Variants in PLEKHA7 observed in about 807,000 individuals in gnomAD.
The protein encoded by PLEKHA7 is pleckstrin homology domain containing A7, also known as pleckstrin homology domain-containing family A member 7.
In PLEKHA7, 104 loss-of-function variants were observed where a neutral mutation model predicts 170.0. The ratio of observed to expected loss-of-function variants is 0.61; its 90% CI spans 0.52 to 0.72. The LOEUF is 0.72. Among genes scored for constraint, PLEKHA7 ranks in the 30% least tolerant of loss-of-function variants. The probability of loss-of-function intolerance (pLI) is 0.00; values close to 1 mark genes in which losing one functional copy is unlikely to be tolerated. For missense variants in PLEKHA7, 1,615 were observed against 1,671.7 expected (o/e 0.97, Z 0.59); for synonymous variants, 648 against 660.8 (o/e 0.98, Z 0.30).
At chr11:16,793,283 T>C (rs1847983842) in intron 19 of PLEKHA7, among the ~76,000 whole-genome samples, 1 of 152,240 alleles carries the variant, frequency 6.6e-6, no homozygotes, top group Non-Finnish European at 1.5e-5. Context: ...GCCCCAGACA[T>C]TCCTGCTGTT....
intron 3 of PLEKHA7, among the ~76,000 whole-genome samples, chr11:17,006,022 A>G (rs942618370): frequency 3.9e-5 from 6 of 152,206 alleles, no homozygotes; most frequent in African/African-American, 7.2e-5. Context: ...TATTACCCCC[A>G]GGTTTGAAAT....
chr11:16,999,809 A>G (rs2137029500), intron 3 of PLEKHA7, among the ~76,000 whole-genome samples: 1 of 152,352 alleles, frequency 6.6e-6, no homozygotes, highest in East Asian at 1.9e-4. Flanking sequence ...GCTGAAGCTC[A>G]GAGATGCTTC....
chr11:16,992,040 G>A (rs1335139174), intron 3 of PLEKHA7, among the ~76,000 whole-genome samples: 1 of 151,668 alleles, frequency 6.6e-6, no homozygotes, highest in Non-Finnish European at 1.5e-5. Flanking sequence ...GCTGGTACTG[G>A]GTAGGCCAAA....
Position 16,795,656 on chromosome 11 carries a change from G to A in PLEKHA7, c.2410-638C>T, listed in dbSNP as rs991624398. 5.3e-5 allele frequency among the ~76,000 whole-genome samples: 8 copies of A among 151,696 alleles called. No individual in the cohort carries two copies. In the South Asian group the frequency reaches 1.7e-3, roughly 32 times the overall value. On this transcript the variant is annotated intron_variant, in intron 17 of 26. Coordinates refer to ENST00000531066, the MANE Select transcript of PLEKHA7 (RefSeq NM_001329630.2). ...ATACAAAAATTAGCCAGGCATGGTGGTGTGCGCCTGTAATCCCAGCTACTT... is the reference window on the plus strand; with the variant it reads ...ATACAAAAATTAGCCAGGCATGGTGATGTGCGCCTGTAATCCCAGCTACTT...
At chr11:16,878,846 C>G (rs891057445) in intron 3 of PLEKHA7, among the ~76,000 whole-genome samples, 5 of 152,198 alleles carry the variant, frequency 3.3e-5, no homozygotes, top group African/African-American at 7.2e-5. Flanking sequence ...CATCAGCCAT[C>G]AGAAGGCAGT....
intron 19 of PLEKHA7, among the ~76,000 whole-genome samples, chr11:16,793,348 G>A (rs551169785): frequency 1.3e-5 from 2 of 152,356 alleles, no homozygotes; most frequent in Non-Finnish European, 2.9e-5. Flanking sequence ...TCCACCTCTT[G>A]GATCTGGGAT....
chr11:16,985,372 T>C (rs78815774), intron 3 of PLEKHA7, among the ~76,000 whole-genome samples: 4,778 of 152,302 alleles, frequency 0.031, 110 homozygotes, highest in South Asian at 0.068. Flanking sequence ...ATATCAAGTA[T>C]AGAAATTCCA....
intron 3 of PLEKHA7, among the ~76,000 whole-genome samples, chr11:16,936,647 T>C (rs891680332): frequency 2.0e-5 from 3 of 152,188 alleles, no homozygotes; most frequent in Non-Finnish European, 4.4e-5. Flanking sequence ...AAAATAATAT[T>C]CAACTTTAAT....
chr11:16,879,294 AAAG>A (rs1189619033), intron 3 of PLEKHA7, among the ~76,000 whole-genome samples: 17 of 152,170 alleles, frequency 1.1e-4, no homozygotes, highest in Non-Finnish European at 1.9e-4. Flanking sequence ...CTCCTACAGC[AAAG>A]AAGAATATTC....
At chr11:16,968,488 C>A (rs986035470) in intron 3 of PLEKHA7, among the ~76,000 whole-genome samples, 3 of 152,216 alleles carry the variant, frequency 2.0e-5, no homozygotes, top group Non-Finnish European at 4.4e-5. Flanking sequence ...CAGGGGTCCT[C>A]TGGATGCTGT....
Position 16,922,592 on chromosome 11 carries a change from T to A in PLEKHA7, c.222-51410A>T, listed in dbSNP as rs1353741998. Among the ~76,000 whole-genome samples, 4 of 152,314 alleles carry A rather than the reference T, an allele frequency of 2.6e-5. No individual in the cohort carries two copies. In the East Asian group the frequency reaches 7.7e-4, roughly 29 times the overall value. ...GTACAAACCCTAGGTTGGAACTTTG[T>A]GCTTTTGCAAACCAAGACTGCAAGT... On this transcript the variant is annotated intron_variant, in intron 3 of 26. Coordinates refer to ENST00000531066, the MANE Select transcript of PLEKHA7 (RefSeq NM_001329630.2).
At chr11:16,850,437 A>AC (rs376203540) in intron 8 of PLEKHA7, among the ~76,000 whole-genome samples, 39 of 152,018 alleles carry the variant, frequency 2.6e-4, no homozygotes, top group African/African-American at 8.4e-4. Context: ...TCTTCAATCC[A>AC]CCCCATCCTT....
In PLEKHA7 at chr11:16,791,017, A is replaced by G; in HGVS notation, c.2928T>C (p.Asp976=). 1.2e-6 allele frequency: 2 copies of G among 1,614,022 alleles called. No individual in the cohort carries two copies. Among genetic ancestry groups the G allele is most frequent in the Non-Finnish European group, 1.7e-6 (2 of 1,180,014 alleles). ...CCCAGGGTCCCCCGCTCACCCTGGA[A>G]TCCCCATTCACACACTGCCCCAGCT... ...DRELGQCVNG[D]SRVELRSYVS... The change falls in exon 20 of 27, where the codon GAT becomes GAC. Residue 976 remains aspartate, a synonymous_variant. Coordinates refer to ENST00000531066, the MANE Select transcript of PLEKHA7 (RefSeq NM_001329630.2). The surrounding 1 kb of genome is among the most constrained non-coding windows in gnomAD (Gnocchi z 4.5).
chr11:16,886,596 A>G (rs911477970), intron 3 of PLEKHA7, among the ~76,000 whole-genome samples: 2 of 151,754 alleles, frequency 1.3e-5, no homozygotes, highest in Non-Finnish European at 2.9e-5. Context: ...CTGTAATCTC[A>G]TCTACTCAGG....
chr11:16,820,090 A>T (rs1850090659), intron 10 of PLEKHA7, among the ~76,000 whole-genome samples: 1 of 152,240 alleles, frequency 6.6e-6, no homozygotes, highest in South Asian at 2.1e-4. Context: ...ATATATTTTT[A>T]AAATGCTGGT....
At chr11:16,964,562 G>A (rs774066815) in intron 3 of PLEKHA7, among the ~76,000 whole-genome samples, 2 of 152,172 alleles carry the variant, frequency 1.3e-5, no homozygotes, top group Non-Finnish European at 2.9e-5. Flanking sequence ...GGGCCTTGGG[G>A]TAACAGCAAA....
intron 3 of PLEKHA7, chr11:16,974,601 T>C (rs1395580131): frequency 4.4e-6 from 2 of 456,866 alleles, no homozygotes; most frequent in Non-Finnish European, 6.6e-6. Flanking sequence ...TTAACTAAAC[T>C]ACAGACCTCA....
intron 3 of PLEKHA7, among the ~76,000 whole-genome samples, chr11:16,984,592 T>A (rs1257179736): frequency 1.3e-5 from 2 of 152,174 alleles, no homozygotes; most frequent in Admixed American, 6.5e-5. Context: ...CAAAGAGGCC[T>A]CTTCTGACCA....
In PLEKHA7 at chr11:16,782,948, C is replaced by T; in HGVS notation, c.3651-52G>A. ...GGGCCCTCCTGCCCTGGGTAGCAGC[C>T]TCAGGAGTGGAGGGTCTCCCTGGCC... is the stretch of plus-strand genomic sequence containing the variant. On this transcript the variant is annotated intron_variant, in intron 25 of 26. Transcript: ENST00000531066. 5 of 1,518,734 alleles carry T rather than the reference C, an allele frequency of 3.3e-6. No homozygotes were observed. The South Asian group carries it at 3.6e-5, about 11-fold the overall frequency. The allele number at this position is 1,518,734 out of a possible 1,614,324, so 94.1% of individuals were successfully genotyped here.
Sources: allele counts gnomAD v4.1 joint callset (sites outside exome capture counted in the v4.1 genomes callset), GRCh38; gene constraint gnomAD v4.1.1; non-coding constraint Gnocchi (gnomAD v3.1); transcripts MANE v1.5; gene names NCBI Gene and HGNC (gene_info 2026-07-23, HGNC 2026-07-21).